The following COQ8B variants were observed in gnomAD, a reference collection of about 807,000 sequenced individuals.
COQ8B encodes the protein coenzyme Q8B.
A neutral mutation model predicts 62.0 loss-of-function variants in COQ8B; 44 were observed. That is an observed-to-expected ratio of 0.71 (90% confidence interval 0.56 to 0.91). The LOEUF is 0.91. Among genes scored for constraint, COQ8B ranks in the 40% least tolerant of loss-of-function variants. COQ8B has a pLI of 0.00. For synonymous variants in COQ8B, 252 were observed against 289.9 expected, an observed-to-expected ratio of 0.87 and a Z score of 1.33; for missense variants, 649 against 731.6, an observed-to-expected ratio of 0.89 and a Z score of 1.30.
chr19:40,703,004 G>A lies in COQ8B; in HGVS notation c.800-311C>T, dbSNP rs145881613. Among the ~76,000 whole-genome samples, 929 of 152,160 alleles carry A rather than the reference G, an allele frequency of 6.1e-3. 12 individuals are homozygous for A. The highest frequency in any genetic ancestry group is 0.02 in the African/African-American group (849 of 41,486). Reference sequence around the variant, plus strand: ...ACCACAGGGTTCCCCGGGGTCTTCCGAAGCCTTTTCTGGGCTCTGTCTCTT... The same window carrying A: ...ACCACAGGGTTCCCCGGGGTCTTCCAAAGCCTTTTCTGGGCTCTGTCTCTT... On this transcript the variant is annotated intron_variant, in intron 9 of 14. Coordinates refer to ENST00000324464, the MANE Select transcript of COQ8B (RefSeq NM_024876.4).
chr19:40,701,405 T>C, intron 10 of COQ8B: 1 of 152,160 alleles, frequency 6.6e-6, no homozygotes, highest in East Asian at 1.9e-4. Context: ...TGAGGATCCG[T>C]GGGATGGCTG....
chr19:40,713,506 G>A (rs1335026558), intron 4 of COQ8B, among the ~76,000 whole-genome samples: 5 of 149,626 alleles, frequency 3.3e-5, no homozygotes. Flanking sequence ...CCAAGATGGC[G>A]CCACTGCACT....
rs755458626 is a variant in COQ8B, at chr19:40,692,179, C to G, written c.1491G>C (p.Leu497=). The change falls in exon 15 of 15, where the codon CTG becomes CTC. Residue 497 remains leucine, a synonymous_variant. Transcript: ENST00000324464. ...TGTGGGCTCGGAGGTGGGCACAGGC[C>G]AGGAAAGCCCCTGCCAGCTTGCGGT... The part of the protein sequence containing the change: ...ALHRKLAGAF[L]ACAHLRAHIA... The G allele has an allele frequency of 8.1e-6, 13 of 1,595,946 alleles. No homozygotes were observed. Among genetic ancestry groups the G allele is most frequent in the Non-Finnish European group, 1.0e-5 (12 of 1,171,322 alleles).
At chr19:40,697,850 A>AGG (rs1326986893) in intron 12 of COQ8B, among the ~76,000 whole-genome samples, 2 of 101,888 alleles carry the variant, frequency 2.0e-5, no homozygotes, top group Non-Finnish European at 4.4e-5. Flanking sequence ...ATATATATAT[A>AGG]TAGAGAGAGA....
Position 40,700,460 on chromosome 19 carries a change from GAAGGA to G in COQ8B, c.894-14_894-10del, listed in dbSNP as rs776634006. 5.0e-6 allele frequency: 8 copies of G among 1,611,772 alleles called. No individual in the cohort carries two copies. The highest frequency in any genetic ancestry group is 1.3e-5 in the African/African-American group (1 of 74,910). On this transcript the variant is annotated splice_polypyrimidine_tract_variant and intron_variant, in intron 10 of 14. Transcript: ENST00000324464. ...CATTTGCCAGCAGCTGCCTGGGGCA[GAAGGA>G]AAGGGAGGAAGGGGACTTCGTGCTT... is the stretch of plus-strand genomic sequence containing the variant.
chr19:40,701,084 T>G (rs945448060), intron 10 of COQ8B: 1 of 152,288 alleles, frequency 6.6e-6, no homozygotes, highest in Non-Finnish European at 1.5e-5. Context: ...TCCCAGCAGT[T>G]TGAGACACCG....
intron 10 of COQ8B, chr19:40,700,900 A>G: frequency 6.0e-6 from 1 of 166,440 alleles, no homozygotes; most frequent in Non-Finnish European, 1.3e-5. Context: ...ACACAGGTAA[A>G]TAGCGGGAAA....
In COQ8B at chr19:40,698,997, CT is replaced by C. The variant is rs34684819; in HGVS notation, c.1143+1069del. ...TCCTTTTCCCCTGTCCCATCTCAGC[CT>C]TTTTTTTTTTTTTAAATAGAGCCCA... On this transcript the variant is annotated intron_variant, in intron 12 of 14. Transcript: ENST00000324464. 9.2e-3 allele frequency among the ~76,000 whole-genome samples: 1,323 copies of C among 143,980 alleles called. 9 individuals carry two copies. Among genetic ancestry groups the C allele is most frequent in the African/African-American group, 0.022 (874 of 39,434 alleles). 94.5% of individuals were successfully genotyped at this position (143,980 alleles called of 152,430 possible).
chr19:40,705,193 G>A lies in COQ8B; in HGVS notation c.491-12C>T. ...GATGAAGCTGTTGTCTTGGGAGACA[G>A]TGGAACCAGGGGGGAAGTAAGCGAA... On this transcript the variant is annotated splice_polypyrimidine_tract_variant and intron_variant, in intron 6 of 14. Coordinates refer to ENST00000324464, the MANE Select transcript of COQ8B (RefSeq NM_024876.4). 6.2e-7 allele frequency: 1 copy of A among 1,612,776 alleles called. No homozygotes were observed. The highest frequency in any genetic ancestry group is 2.2e-5 in the East Asian group (1 of 44,844).
In COQ8B at chr19:40,703,173, C is replaced by G. The variant is rs138492463; in HGVS notation, c.799+368G>C. 3.9e-5 allele frequency among the ~76,000 whole-genome samples: 6 copies of G among 152,088 alleles called. No homozygotes were observed. In the South Asian group the frequency reaches 8.3e-4, roughly 21 times the overall value. ...TGGCTTTCCCTCTCCCTCTCCGTCTCTTACACAAACACAACCCACCCTCCT... is the reference window on the plus strand; with the variant it reads ...TGGCTTTCCCTCTCCCTCTCCGTCTGTTACACAAACACAACCCACCCTCCT... On this transcript the variant is annotated intron_variant, in intron 9 of 14. Coordinates refer to ENST00000324464, the MANE Select transcript of COQ8B (RefSeq NM_024876.4).
intron 12 of COQ8B, among the ~76,000 whole-genome samples, chr19:40,699,415 C>A (rs2082044196): frequency 6.6e-6 from 1 of 152,010 alleles, no homozygotes; most frequent in African/African-American, 2.4e-5. Context: ...CGGTCCTGAC[C>A]CATCTGGCCT....
At chr19:40,711,205 C>T (rs2082139075) in intron 4 of COQ8B, among the ~76,000 whole-genome samples, 1 of 151,540 alleles carries the variant, frequency 6.6e-6, no homozygotes, top group Admixed American at 6.6e-5. Flanking sequence ...TCTTCTTTCT[C>T]TGTCCACACC....
chr19:40,714,331 C>T lies in COQ8B; in HGVS notation c.169G>A (p.Glu57Lys), dbSNP rs763876478. The T allele has an allele frequency of 5.6e-6, 9 of 1,614,046 alleles. No homozygotes were observed. The highest frequency in any genetic ancestry group is 1.3e-5 in the African/African-American group (1 of 74,936). Reference protein sequence around the residue: ...QDGPGRGLGEEDIRRAREARP... With the variant: ...QDGPGRGLGEKDIRRAREARP... ...GCCTCCCGTGCCCTGCGAATGTCCT[C>T]CTCACCCAGGCCTCTCCCAGGCCCA... The change falls in exon 3 of 15, where the codon GAG (glutamate) becomes AAG (lysine). Residue 57 changes from glutamate (E) to lysine (K), a missense_variant. Transcript: ENST00000324464.
intron 1 of COQ8B, chr19:40,714,919 A>C: frequency 8.6e-7 from 1 of 1,168,680 alleles, no homozygotes; most frequent in Non-Finnish European, 1.1e-6. Flanking sequence ...CTACCTCTCC[A>C]CTTCTCTGAA....
At chr19:40,709,055 C>T (rs2082121419) in intron 5 of COQ8B, among the ~76,000 whole-genome samples, 1 of 152,202 alleles carries the variant, frequency 6.6e-6, no homozygotes, top group African/African-American at 2.4e-5. Context: ...TCTGCTTTAT[C>T]TGTGCGTGTA....
chr19:40,697,333 C>T (rs527321471), intron 12 of COQ8B, among the ~76,000 whole-genome samples: 12 of 152,210 alleles, frequency 7.9e-5, no homozygotes, highest in South Asian at 6.2e-4. Context: ...AGACTGGTCT[C>T]GAACTACTGG....
chr19:40,711,949 C>A (rs1203699981), intron 4 of COQ8B, among the ~76,000 whole-genome samples: 1 of 152,168 alleles, frequency 6.6e-6, no homozygotes, highest in Non-Finnish European at 1.5e-5. Flanking sequence ...AATCCCTGGG[C>A]AGCCTGGTGC....
chr19:40,713,876 C>CAAA (rs374895523), intron 4 of COQ8B, among the ~76,000 whole-genome samples, 191 bp downstream of exon 4: 1 of 116,566 alleles, frequency 8.6e-6, no homozygotes. Flanking sequence ...GACTCTGTCT[C>CAAA]AAAAAAAAAA....
Position 40,697,875 on chromosome 19 carries a change from G to GAGAGAGAGAGAGAGGGAC in COQ8B, c.1144-1822_1144-1821insGTCCCTCTCTCTCTCTCT, listed in dbSNP as rs58313890. Among the ~76,000 whole-genome samples the GAGAGAGAGAGAGAGGGAC allele has an allele frequency of 7.6e-4, 79 of 103,452 alleles. 2 individuals carry two copies. The highest frequency in any genetic ancestry group is 3.2e-3 in the African/African-American group (76 of 23,640). The allele number at this position is 103,452 out of a possible 152,430, so 67.9% of individuals were successfully genotyped here. On this transcript the variant is annotated intron_variant, in intron 12 of 14. Coordinates refer to ENST00000324464, the MANE Select transcript of COQ8B (RefSeq NM_024876.4). ...ATAGAGAGAGAGAGAGAGAGAGAGA[G>GAGAGAGAGAGAGAGGGAC]AGTTTCTACTGGGCGTTCATGCAAA...
Sources: gnomAD v4.1 joint callset for allele counts (sites outside exome capture counted in the v4.1 genomes callset) on GRCh38, gnomAD v4.1.1 for gene constraint, MANE v1.5 for transcripts, NCBI Gene and HGNC (gene_info 2026-07-23, HGNC 2026-07-21) for gene names.